SLC23A2: variants seen among roughly 807,000 people sequenced by gnomAD.
SLC23A2 encodes the protein Na(+)/L-ascorbic acid transporter 2.
A neutral mutation model predicts 73.3 loss-of-function variants in SLC23A2; 36 were observed. The ratio of observed to expected loss-of-function variants is 0.49; its 90% CI spans 0.38 to 0.65. The LOEUF (loss-of-function observed/expected upper bound fraction) is 0.65, where lower values mean the gene tolerates loss of function less well. SLC23A2 is among the 30% of genes least tolerant of loss of function. SLC23A2 has a pLI of 0.00. For missense variants in SLC23A2, 507 were observed against 841.6 expected, an observed-to-expected ratio of 0.60 and a Z score of 4.92; for synonymous variants, 343 against 327.3, an observed-to-expected ratio of 1.05 and a Z score of -0.52.
intron 2 of SLC23A2, among the ~76,000 whole-genome samples, chr20:4,954,364 T>C (rs1226304028): frequency 1.3e-5 from 2 of 152,026 alleles, no homozygotes; most frequent in Non-Finnish European, 2.9e-5. Flanking sequence ...AAAGTCACCA[T>C]CTATCATGCC....
Position 4,857,666 on chromosome 20 carries a change from C to T in SLC23A2, c.1721-462G>A, listed in dbSNP as rs1032943943. Reference sequence around the variant, plus strand: ...CCTCTCTAGGCCAGGTGTGGTGGCTCACACCTGTAATCCAAGCACTTTGGG... The same window carrying T: ...CCTCTCTAGGCCAGGTGTGGTGGCTTACACCTGTAATCCAAGCACTTTGGG... On this transcript the variant is annotated intron_variant, in intron 16 of 16. Transcript: ENST00000338244. This position sits in a 1 kb window ranked among gnomAD's most constrained non-coding sequence, Gnocchi z 4.0. 2.0e-5 allele frequency among the ~76,000 whole-genome samples: 3 copies of T among 152,240 alleles called. No individual in the cohort carries two copies. The highest frequency in any genetic ancestry group is 4.4e-5 in the Non-Finnish European group (3 of 68,026).
rs547510685 is a variant in SLC23A2 at position 4,856,768 on chromosome 20, G to C, written c.*204C>G. Reference sequence around the variant, plus strand: ...AATGGACACTCTCAAAGGGCAAGGAGTTAAGGGCTTAAATAAGGAGATAGG... The same window carrying C: ...AATGGACACTCTCAAAGGGCAAGGACTTAAGGGCTTAAATAAGGAGATAGG... On this transcript the variant is annotated 3_prime_UTR_variant, in exon 17 of 17. Coordinates refer to ENST00000338244, the MANE Select transcript of SLC23A2 (RefSeq NM_005116.6). This position sits in a 1 kb window ranked among gnomAD's most constrained non-coding sequence, Gnocchi z 4.6. The C allele has an allele frequency of 8.8e-6, 5 of 568,236 alleles. No homozygotes were observed. In the South Asian group the frequency reaches 1.1e-4, roughly 12 times the overall value. 35.2% of individuals were successfully genotyped at this position (568,236 alleles called of 1,614,324 possible).
intron 13 of SLC23A2, among the ~76,000 whole-genome samples, chr20:4,866,432 G>GC (rs775827951): frequency 3.3e-5 from 5 of 152,204 alleles, no homozygotes; most frequent in Non-Finnish European, 5.9e-5. Flanking sequence ...CATGGCTTAG[G>GC]CCCCATTCTG....
At position 5,001,454 on chromosome 20, in the gene SLC23A2, G is replaced by GCAGTGCC. The variant is rs2088124359; in HGVS notation, c.-337_-331dup. The GCAGTGCC allele has an allele frequency of 6.7e-6, 1 of 148,594 alleles. No homozygotes were observed. The highest frequency in any genetic ancestry group is 1.5e-5 in the Non-Finnish European group (1 of 66,698). 9.2% of individuals were successfully genotyped at this position (148,594 alleles called of 1,614,324 possible). ...CGTCCTGCCGCCGCGCCTCGGCGCC[G>GCAGTGCC]CAGTGCCCGCTGCAGCCTCCGCCTC... is the stretch of plus-strand genomic sequence containing the variant. On this transcript the variant is annotated 5_prime_UTR_variant, in exon 1 of 17. Coordinates refer to ENST00000338244, the MANE Select transcript of SLC23A2 (RefSeq NM_005116.6).
At chr20:5,007,211 A>T (rs1206764355) in intron 1 of SLC23A2, among the ~76,000 whole-genome samples, 1 of 152,076 alleles carries the variant, frequency 6.6e-6, no homozygotes, top group Non-Finnish European at 1.5e-5. Context: ...ATTTTAAGGT[A>T]TACATTTTAG....
intron 2 of SLC23A2, among the ~76,000 whole-genome samples, chr20:4,950,768 G>A (rs893916200): frequency 9.2e-5 from 14 of 152,282 alleles, no homozygotes; most frequent in African/African-American, 3.4e-4. Context: ...CAGCCAGGCA[G>A]AAGAGGCATC....
chr20:4,854,160 C>T lies in SLC23A2; in HGVS notation c.*2812G>A, dbSNP rs1929627226. On this transcript the variant is annotated 3_prime_UTR_variant, in exon 17 of 17. Coordinates refer to ENST00000338244, the MANE Select transcript of SLC23A2 (RefSeq NM_005116.6). The stretch of plus-strand genomic sequence containing the variant: ...CACATCCAAAATATTTTACAACACT[C>T]TACAGGCAAAACAAAGTACGGGGTG... 3.3e-5 allele frequency: 5 copies of T among 152,166 alleles called. No individual in the cohort carries two copies. In the South Asian group the frequency reaches 1.0e-3, roughly 32 times the overall value. 9.4% of individuals were successfully genotyped at this position (152,166 alleles called of 1,614,324 possible).
intron 2 of SLC23A2, among the ~76,000 whole-genome samples, chr20:4,943,505 CA>C (rs113137051): frequency 0.21 from 29,249 of 139,052 alleles, 5,100 homozygotes; most frequent in African/African-American, 0.49. Flanking sequence ...CCATTTCTAC[CA>C]AAAAAAAAAA....
chr20:4,968,076 T>A (rs2087502322), intron 2 of SLC23A2, among the ~76,000 whole-genome samples: 1 of 152,120 alleles, frequency 6.6e-6, no homozygotes, highest in African/African-American at 2.4e-5. Context: ...GAGATGGAGA[T>A]ACATTATGCT....
chr20:4,919,298 C>T (rs2122910236), intron 3 of SLC23A2, among the ~76,000 whole-genome samples: 1 of 152,310 alleles, frequency 6.6e-6, no homozygotes, highest in East Asian at 1.9e-4. Flanking sequence ...TCCTGTAACT[C>T]CCCAGTGCAG....
rs371232184 is a variant in SLC23A2 at position 4,857,931 on chromosome 20, AAAAAC to A, written c.1721-732_1721-728del. On this transcript the variant is annotated intron_variant, in intron 16 of 16. Coordinates refer to ENST00000338244, the MANE Select transcript of SLC23A2 (RefSeq NM_005116.6). The surrounding 1 kb of genome is among the most constrained non-coding windows in gnomAD (Gnocchi z 4.0). ...GGGCAACAGAGCAAGACTCTGTCTT[AAAAAC>A]AAAACAAAACAAAACAAAACAAACA... Among the ~76,000 whole-genome samples the A allele has an allele frequency of 3.1e-3, 468 of 152,010 alleles. 2 individuals carry two copies. The highest frequency in any genetic ancestry group is 9.2e-3 in the African/African-American group (381 of 41,404).
At position 4,915,942 on chromosome 20, in the gene SLC23A2, C is replaced by T. The variant is rs181932769; in HGVS notation, c.109-2964G>A. On this transcript the variant is annotated intron_variant, in intron 3 of 16. Transcript: ENST00000338244. ...CACCCTGGTCAACAGAGCGAGACTC[C>T]ATCTCAACAAATAAAAAATAAAATA... Among the ~76,000 whole-genome samples, 107 of 152,064 alleles carry T rather than the reference C, an allele frequency of 7.0e-4. 1 individual carries two copies. The highest frequency in any genetic ancestry group is 2.5e-3 in the African/African-American group (103 of 41,468).
intron 13 of SLC23A2, 125 bp downstream of exon 13, chr20:4,867,645 A>AAG: frequency 4.0e-6 from 2 of 505,904 alleles, no homozygotes; most frequent in Non-Finnish European, 6.9e-6. Context: ...AAAAAAAAAA[A>AAG]AAAGGAGAGA....
At position 4,899,811 on chromosome 20, in the gene SLC23A2, G is replaced by A. The variant is rs1931680118; in HGVS notation, c.325-99C>T. On this transcript the variant is annotated intron_variant, in intron 5 of 16. Coordinates refer to ENST00000338244, the MANE Select transcript of SLC23A2 (RefSeq NM_005116.6). This position sits in a 1 kb window ranked among gnomAD's most constrained non-coding sequence, Gnocchi z 4.9. ...TCTCTCTTATTGTCGTTAAAAAATA[G>A]CCCACATAAAGAATCTCCTTGGTTT... 12 of 1,237,684 alleles carry A rather than the reference G, an allele frequency of 9.7e-6. No individual in the cohort carries two copies. Among genetic ancestry groups the A allele is most frequent in the Non-Finnish European group, 1.4e-5 (12 of 879,756 alleles). 76.7% of individuals were successfully genotyped at this position (1,237,684 alleles called of 1,614,324 possible).
At chr20:4,888,148 C>T (rs549888304) in intron 6 of SLC23A2, among the ~76,000 whole-genome samples, 1 of 152,216 alleles carries the variant, frequency 6.6e-6, no homozygotes, top group Admixed American at 6.5e-5. Flanking sequence ...AAAGGAAATA[C>T]ATTAAACTGT....
chr20:4,910,076 C>G lies in SLC23A2; in HGVS notation c.207+2804G>C, dbSNP rs548940798. Among the ~76,000 whole-genome samples, 227 of 152,194 alleles carry G rather than the reference C, an allele frequency of 1.5e-3. 1 individual carries two copies. The highest frequency in any genetic ancestry group is 3.4e-3 in the Middle Eastern group (1 of 294). ...CTGGGGCAATCCGGCTTCCTGAGAGCCTTCCACTACTTTTGGCCGGGTATG... is the reference window on the plus strand; with the variant it reads ...CTGGGGCAATCCGGCTTCCTGAGAGGCTTCCACTACTTTTGGCCGGGTATG... On this transcript the variant is annotated intron_variant, in intron 4 of 16. Transcript: ENST00000338244.
Position 4,883,510 on chromosome 20 carries a change from C to T in SLC23A2, c.824+132G>A. 1 of 700,854 alleles carries T rather than the reference C, an allele frequency of 1.4e-6. No individual in the cohort carries two copies. The highest frequency in any genetic ancestry group is 2.8e-5 in the Admixed American group (1 of 35,882). The allele number at this position is 700,854 out of a possible 1,614,324, so 43.4% of individuals were successfully genotyped here. ...GGTCAAAAACCCTTCAACTATTCCC[C>T]AGCACGAAGCAAATAAAGTTGAAAC... On this transcript the variant is annotated intron_variant, in intron 9 of 16. Coordinates refer to ENST00000338244, the MANE Select transcript of SLC23A2 (RefSeq NM_005116.6). The surrounding 1 kb of genome is among the most constrained non-coding windows in gnomAD (Gnocchi z 4.5).
chr20:4,961,102 T>G (rs1037310326), intron 2 of SLC23A2, among the ~76,000 whole-genome samples: 1 of 150,658 alleles, frequency 6.6e-6, no homozygotes, highest in Non-Finnish European at 1.5e-5. Context: ...TTTTTTTTTT[T>G]CTTTTTCTTT....
At position 4,889,534 on chromosome 20, in the gene SLC23A2, AGGCTGTGGCAT is replaced by A. The variant is rs1255983689; in HGVS notation, c.483-3636_483-3626del. Reference sequence around the variant, plus strand: ...ACCAAGCCACAGAGGACATCCCAATAGGCTGTGGCATGGCTCTGTGTGTCATCTTTGCTTTT... The same window carrying A: ...ACCAAGCCACAGAGGACATCCCAATAGGCTCTGTGTGTCATCTTTGCTTTT... On this transcript the variant is annotated intron_variant, in intron 6 of 16. Coordinates refer to ENST00000338244, the MANE Select transcript of SLC23A2 (RefSeq NM_005116.6). Among the ~76,000 whole-genome samples the A allele has an allele frequency of 2.0e-5, 3 of 151,726 alleles. No individual in the cohort carries two copies. The South Asian group carries it at 6.4e-4, about 32-fold the overall frequency.
Sources: gnomAD v4.1 joint callset for allele counts (sites outside exome capture counted in the v4.1 genomes callset) on GRCh38, gnomAD v4.1.1 for gene constraint, Gnocchi (gnomAD v3.1) non-coding constraint, MANE v1.5 for transcripts, NCBI Gene and HGNC (gene_info 2026-07-23, HGNC 2026-07-21) for gene names.